The following ARMC3 variants were observed in gnomAD, a reference collection of about 807,000 sequenced individuals.
ARMC3 encodes the protein armadillo repeat containing 3, also known as armadillo repeat-containing protein 3.
ARMC3 carries 74 observed loss-of-function variants against 90.3 expected under a neutral mutation model. The observed-to-expected ratio is 0.82, with a 90% CI of 0.68 to 0.99. The LOEUF (loss-of-function observed/expected upper bound fraction) is 0.99. Among genes scored for constraint, ARMC3 ranks in the 50% least tolerant of loss-of-function variants. The pLI is 0.00. For synonymous variants in ARMC3, 334 were observed against 361.8 expected, an observed-to-expected ratio of 0.92 and a Z score of 0.87; for missense variants, 958 against 1,042.8, an observed-to-expected ratio of 0.92 and a Z score of 1.12.
Position 22,966,586 on chromosome 10 carries a change from G to C in ARMC3, c.733-1720G>C, listed in dbSNP as rs142484053. On this transcript the variant is annotated intron_variant, in intron 7 of 18. Transcript: ENST00000298032. ...CAGGATGCATGTATATTGTACATGT[G>C]CATGTGTATATGGGTGTATTAGTCC... 1.9e-3 allele frequency among the ~76,000 whole-genome samples: 295 copies of C among 152,298 alleles called. 2 individuals are homozygous for C. The highest frequency in any genetic ancestry group is 0.016 in the East Asian group (81 of 5,186).
At chr10:22,951,311 G>C (rs1224879710) in intron 3 of ARMC3, among the ~76,000 whole-genome samples, 4 of 152,148 alleles carry the variant, frequency 2.6e-5, no homozygotes, top group African/African-American at 4.8e-5. Flanking sequence ...AGGAGAAATA[G>C]ATATCCACAA....
chr10:23,037,587 A>G lies in ARMC3; in HGVS notation c.*108A>G. On this transcript the variant is annotated 3_prime_UTR_variant, in exon 19 of 19. Coordinates refer to ENST00000298032, the MANE Select transcript of ARMC3 (RefSeq NM_173081.5). ...TCTTTAAATAAAAACTTTAAATAAA[A>G]GTATTAGAAATGTTTTCTCTGCGTA... 1.0e-6 allele frequency: 1 copy of G among 1,003,572 alleles called. No individual in the cohort carries two copies. Among genetic ancestry groups the G allele is most frequent in the Non-Finnish European group, 1.4e-6 (1 of 731,262 alleles). The allele number at this position is 1,003,572 out of a possible 1,614,324, so 62.2% of individuals were successfully genotyped here. A position where few individuals can be genotyped will look rare whatever the true frequency, so the allele number is the denominator to read the frequency against.
At chr10:23,035,601 C>A (rs536112033) in intron 18 of ARMC3, among the ~76,000 whole-genome samples, 1 of 152,130 alleles carries the variant, frequency 6.6e-6, no homozygotes, top group African/African-American at 2.4e-5. Flanking sequence ...GCTTTACTTT[C>A]TTCCCTAGGC....
intron 10 of ARMC3, among the ~76,000 whole-genome samples, chr10:22,986,319 A>G (rs190925710): frequency 1.9e-4 from 29 of 152,284 alleles, no homozygotes; most frequent in African/African-American, 4.6e-4. Flanking sequence ...TGGGAGGCCA[A>G]GGCGGGTGGA....
chr10:23,033,743 T>C (rs1839014825), intron 18 of ARMC3, among the ~76,000 whole-genome samples: 1 of 152,184 alleles, frequency 6.6e-6, no homozygotes, highest in African/African-American at 2.4e-5. Flanking sequence ...GGGGCAAGAC[T>C]AGAGACAGGA....
chr10:23,006,415 T>A (rs1282341856), intron 13 of ARMC3, among the ~76,000 whole-genome samples: 1 of 152,210 alleles, frequency 6.6e-6, no homozygotes, highest in Non-Finnish European at 1.5e-5. Flanking sequence ...CAACTATAAC[T>A]TAATTGGAAA....
At chr10:23,004,197 G>A (rs1837465775) in intron 13 of ARMC3, among the ~76,000 whole-genome samples, 1 of 152,018 alleles carries the variant, frequency 6.6e-6, no homozygotes, top group Non-Finnish European at 1.5e-5. Context: ...GTTGAGAGAA[G>A]TGAAAAGCTA....
chr10:23,019,477 A>C (rs946665173), intron 16 of ARMC3, among the ~76,000 whole-genome samples: 1 of 152,146 alleles, frequency 6.6e-6, no homozygotes, highest in Non-Finnish European at 1.5e-5. Flanking sequence ...CAGTTCCATC[A>C]CCCCAGATAA....
chr10:22,962,156 C>T (rs1835227994), intron 7 of ARMC3, 78 bp downstream of exon 7: 1 of 1,114,010 alleles, frequency 9.0e-7, no homozygotes, highest in South Asian at 2.3e-5. Flanking sequence ...TTTTATTATA[C>T]TTAACGTGTA....
At chr10:22,970,706 T>G (rs912259439) in intron 8 of ARMC3, among the ~76,000 whole-genome samples, 5 of 152,084 alleles carry the variant, frequency 3.3e-5, no homozygotes, top group Non-Finnish European at 7.4e-5. Flanking sequence ...CCAGCACATG[T>G]GTGAGTATTT....
At chr10:23,026,275 C>G (rs1838713491) in intron 16 of ARMC3, among the ~76,000 whole-genome samples, 1 of 152,010 alleles carries the variant, frequency 6.6e-6, no homozygotes, top group Non-Finnish European at 1.5e-5. Flanking sequence ...CAATACCAGA[C>G]AAGGACATTA....
At chr10:23,001,850 A>AT (rs1455334010) in intron 11 of ARMC3, 69 bp from the exon 12 acceptor site, 10 of 1,510,654 alleles carry the variant, frequency 6.6e-6, no homozygotes, top group South Asian at 3.9e-5. Context: ...AAATAATGAG[A>AT]TTTTTTTAAA....
chr10:22,977,900 A>G (rs1381766180), intron 8 of ARMC3, among the ~76,000 whole-genome samples: 1 of 152,226 alleles, frequency 6.6e-6, no homozygotes, highest in African/African-American at 2.4e-5. Flanking sequence ...TCTCCATTCC[A>G]GAAGCAGGAT....
Position 23,016,905 on chromosome 10 carries a change from G to A in ARMC3, c.2045+7974G>A, listed in dbSNP as rs112279584. On this transcript the variant is annotated intron_variant, in intron 16 of 18. Transcript: ENST00000298032. ...CTGAATAGTCACTCTATTCAGTGAC[G>A]AAGTATTGGACTGACTGTTGGAACT... Among the ~76,000 whole-genome samples, 255 of 152,260 alleles carry A rather than the reference G, an allele frequency of 1.7e-3. 1 individual carries two copies. The highest frequency in any genetic ancestry group is 5.8e-3 in the African/African-American group (243 of 41,544).
chr10:22,936,163 A>G (rs1834103903), intron 2 of ARMC3, among the ~76,000 whole-genome samples: 1 of 152,180 alleles, frequency 6.6e-6, no homozygotes, highest in African/African-American at 2.4e-5. Context: ...GATTAAAATT[A>G]TTAGTTTTAA....
chr10:22,961,761 G>T, intron 6 of ARMC3, 123 bp from the exon 7 acceptor site: 3 of 751,246 alleles, frequency 4.0e-6, no homozygotes, highest in Non-Finnish European at 6.2e-6. Flanking sequence ...ATTTTGGAAG[G>T]GAATCTGGAA....
intron 2 of ARMC3, among the ~76,000 whole-genome samples, chr10:22,945,942 A>AT (rs1318892529): frequency 6.6e-6 from 1 of 152,222 alleles, no homozygotes; most frequent in Non-Finnish European, 1.5e-5. Context: ...TCTTCCCACC[A>AT]TACCCCAGGC....
intron 5 of ARMC3, 37 bp from the exon 6 acceptor site, chr10:22,959,362 A>G: frequency 1.3e-6 from 2 of 1,552,058 alleles, no homozygotes; most frequent in Non-Finnish European, 8.7e-7. Flanking sequence ...AATAATAAGC[A>G]GTTGGCATAC....
At chr10:23,006,322 A>G (rs780445544) in intron 13 of ARMC3, among the ~76,000 whole-genome samples, 1 of 152,184 alleles carries the variant, frequency 6.6e-6, no homozygotes, top group Non-Finnish European at 1.5e-5. Flanking sequence ...CAGAAGAATG[A>G]CAGGATTGGT....
Sources: allele counts gnomAD v4.1 joint callset (sites outside exome capture counted in the v4.1 genomes callset), GRCh38; gene constraint gnomAD v4.1.1; transcripts MANE v1.5; gene names NCBI Gene and HGNC (gene_info 2026-07-23, HGNC 2026-07-21).